Variants in ERBB4 observed in about 807,000 individuals in gnomAD.
ERBB4 encodes the protein receptor tyrosine-protein kinase erbB-4.
ERBB4 carries 42 observed loss-of-function variants against 158.0 expected under a neutral mutation model. That is an observed-to-expected ratio of 0.27 (90% confidence interval 0.21 to 0.34). The LOEUF (loss-of-function observed/expected upper bound fraction) is 0.34, where lower values mean the gene tolerates loss of function less well. ERBB4 is among the 10% of genes least tolerant of loss of function. ERBB4 has a pLI of 1.00. For missense variants in ERBB4, 1,333 were observed against 1,624.1 expected (o/e 0.82, Z 3.08); for synonymous variants, 583 against 558.7 (o/e 1.04, Z -0.61).
intron 1 of ERBB4, among the ~76,000 whole-genome samples, chr2:212,283,253 A>G (rs1289350439): frequency 5.3e-5 from 8 of 151,954 alleles, no homozygotes; most frequent in Non-Finnish European, 1.5e-5. Context: ...TAATTACTCA[A>G]TATAACACTT....
intron 2 of ERBB4, among the ~76,000 whole-genome samples, chr2:212,085,740 A>G (rs1314434265): frequency 6.6e-6 from 1 of 151,924 alleles, no homozygotes; most frequent in African/African-American, 2.4e-5. Context: ...ATTTATTTAT[A>G]AGGAAGGTAA....
chr2:211,905,289 C>T (rs1002441121), intron 3 of ERBB4, among the ~76,000 whole-genome samples: 1 of 151,994 alleles, frequency 6.6e-6, no homozygotes, highest in East Asian at 1.9e-4. Flanking sequence ...CTCATGTTGC[C>T]ATGACTCTGT....
intron 3 of ERBB4, among the ~76,000 whole-genome samples, chr2:211,897,731 ATTGTT>A (rs1486553315): frequency 6.6e-6 from 1 of 151,448 alleles, no homozygotes; most frequent in Non-Finnish European, 1.5e-5. Context: ...CTTTTAATTA[ATTGTT>A]TTGTTTTGTT....
At chr2:211,631,077 C>T (rs761245407) in intron 16 of ERBB4, among the ~76,000 whole-genome samples, 21 of 152,182 alleles carry the variant, frequency 1.4e-4, no homozygotes, top group South Asian at 4.2e-4. Context: ...TTTGTTGTCG[C>T]GAAGTGTCCT....
rs563858088 is a variant in ERBB4 at position 212,433,181 on chromosome 2, T to C, written c.82+105268A>G. On this transcript the variant is annotated intron_variant, in intron 1 of 27. Transcript: ENST00000342788. Reference sequence around the variant, plus strand: ...TTTAGCTAAATACTTCATTTGTAGATAGAGTAGCCTTCATAGGATAATTAA... The same window carrying C: ...TTTAGCTAAATACTTCATTTGTAGACAGAGTAGCCTTCATAGGATAATTAA... Among the ~76,000 whole-genome samples, 3 of 152,192 alleles carry C rather than the reference T, an allele frequency of 2.0e-5. No individual in the cohort carries two copies. The South Asian group carries it at 6.2e-4, about 32-fold the overall frequency.
chr2:211,605,346 C>G, intron 19 of ERBB4, among the ~76,000 whole-genome samples: 1 of 152,088 alleles, frequency 6.6e-6, no homozygotes, highest in East Asian at 1.9e-4. Context: ...GGAAAGAAGA[C>G]TATAGAAAGA....
intron 1 of ERBB4, among the ~76,000 whole-genome samples, chr2:212,305,786 A>G (rs887144422): frequency 6.6e-6 from 1 of 151,416 alleles, no homozygotes; most frequent in African/African-American, 2.4e-5. Context: ...ATAATTATAG[A>G]TCATGTTCCT....
rs2074219460 is a variant in ERBB4, at chr2:211,724,972, G to A, written c.741+104C>T. 2.2e-5 allele frequency: 20 copies of A among 902,380 alleles called. No homozygotes were observed. The South Asian group carries it at 2.5e-4, about 11-fold the overall frequency. 55.9% of individuals were successfully genotyped at this position (902,380 alleles called of 1,614,324 possible). Reference sequence around the variant, plus strand: ...GAGCATTTTTCTTAATCCTAAAGTGGCTAAAGTTGATCTGATTGTAATAAG... The same window carrying A: ...GAGCATTTTTCTTAATCCTAAAGTGACTAAAGTTGATCTGATTGTAATAAG... On this transcript the variant is annotated intron_variant, in intron 6 of 27. Coordinates refer to ENST00000342788, the MANE Select transcript of ERBB4 (RefSeq NM_005235.3).
At chr2:211,409,981 C>T (rs748078820) in intron 25 of ERBB4, among the ~76,000 whole-genome samples, 1 of 152,122 alleles carries the variant, frequency 6.6e-6, no homozygotes, top group Non-Finnish European at 1.5e-5. Flanking sequence ...TGAAGCAAGT[C>T]ACTTCACTCA....
chr2:211,948,436 CAAAAAAAAA>C (rs55763428), intron 2 of ERBB4, among the ~76,000 whole-genome samples: 1 of 81,360 alleles, frequency 1.2e-5, no homozygotes, highest in Admixed American at 1.8e-4. Flanking sequence ...CTCTGTCTCA[CAAAAAAAAA>C]AAAAAAAAAA....
chr2:212,355,561 G>C (rs185875608), intron 1 of ERBB4, among the ~76,000 whole-genome samples: 43 of 152,094 alleles, frequency 2.8e-4, no homozygotes, highest in Middle Eastern at 6.8e-3. Context: ...GCATAGCAAG[G>C]CTGCTCGTTA....
intron 22 of ERBB4, among the ~76,000 whole-genome samples, chr2:211,425,702 G>C (rs910096866): frequency 2.0e-5 from 3 of 151,720 alleles, no homozygotes; most frequent in African/African-American, 4.8e-5. Flanking sequence ...TTGTATTTTA[G>C]ACAGGGTCTC....
At chr2:212,410,532 T>G (rs1176206780) in intron 1 of ERBB4, among the ~76,000 whole-genome samples, 1 of 152,076 alleles carries the variant, frequency 6.6e-6, no homozygotes, top group African/African-American at 2.4e-5. Flanking sequence ...TGTTTTTAAA[T>G]TATGCATAAG....
chr2:211,712,773 G>A (rs2073749565), intron 8 of ERBB4, among the ~76,000 whole-genome samples: 1 of 80,452 alleles, frequency 1.2e-5, no homozygotes, highest in African/African-American at 5.5e-5. Flanking sequence ...ATTTTTGTGT[G>A]TGGGTGGGGG....
rs546026729 is a variant in ERBB4, at chr2:211,958,818, A to C, written c.235-11202T>G. On this transcript the variant is annotated intron_variant, in intron 2 of 27. Coordinates refer to ENST00000342788, the MANE Select transcript of ERBB4 (RefSeq NM_005235.3). ...ATTAGCTAAGAAAGAGTAATTTCTC[A>C]AAAGTAACTGCAGCATGCTTCAGAT... Among the ~76,000 whole-genome samples the C allele has an allele frequency of 5.3e-5, 8 of 152,214 alleles. No homozygotes were observed. In the East Asian group the frequency reaches 1.2e-3, roughly 22 times the overall value.
At chr2:211,716,423 T>G (rs1271783450) in intron 7 of ERBB4, among the ~76,000 whole-genome samples, 2 of 127,096 alleles carry the variant, frequency 1.6e-5, no homozygotes, top group African/African-American at 6.2e-5. Context: ...ACGCCTGTAA[T>G]CCCAGCACTT....
chr2:212,454,632 T>G (rs1688185874), intron 1 of ERBB4, among the ~76,000 whole-genome samples: 1 of 152,224 alleles, frequency 6.6e-6, no homozygotes, highest in South Asian at 2.1e-4. Context: ...TTATGAGAAC[T>G]CTTCATTAAT....
intron 2 of ERBB4, among the ~76,000 whole-genome samples, chr2:212,113,445 A>G (rs529935146): frequency 3.3e-5 from 5 of 151,842 alleles, no homozygotes; most frequent in Admixed American, 2.0e-4. Flanking sequence ...GTGGTGGTGG[A>G]TGCCTGCAGT....
At chr2:212,104,741 C>A (rs1369026071) in intron 2 of ERBB4, among the ~76,000 whole-genome samples, 1 of 152,090 alleles carries the variant, frequency 6.6e-6, no homozygotes, top group Non-Finnish European at 1.5e-5. Context: ...ACTTCACATT[C>A]TTTATGATAT....
Sources: allele counts gnomAD v4.1 joint callset (sites outside exome capture counted in the v4.1 genomes callset), GRCh38; gene constraint gnomAD v4.1.1; transcripts MANE v1.5; gene names NCBI Gene and HGNC (gene_info 2026-07-23, HGNC 2026-07-21).